CORO2B: variants seen among roughly 807,000 people sequenced by gnomAD.
The protein encoded by CORO2B is coronin-2B.
Under a neutral mutation model 58.8 loss-of-function variants are expected in CORO2B, and 26 were observed. The observed-to-expected ratio is 0.44, with a 90% confidence interval of 0.32 to 0.61. The LOEUF (loss-of-function observed/expected upper bound fraction) is 0.61. Among genes scored for constraint, CORO2B ranks in the 20% least tolerant of loss-of-function variants. CORO2B has a pLI of 0.04. For synonymous variants in CORO2B, 242 were observed against 253.8 expected (o/e 0.95, Z 0.44); for missense variants, 460 against 645.1 (o/e 0.71, Z 3.11).
chr15:68,587,282 T>C (rs1329346848), intron 1 of CORO2B, among the ~76,000 whole-genome samples: 1 of 152,180 alleles, frequency 6.6e-6, no homozygotes, highest in African/African-American at 2.4e-5. Flanking sequence ...ATGTTTTACA[T>C]GGTGTTCATG....
upstream of CORO2B, among the ~76,000 whole-genome samples, chr15:68,574,000 G>A (rs1360231779): frequency 6.6e-6 from 1 of 152,130 alleles, no homozygotes; most frequent in Non-Finnish European, 1.5e-5. Flanking sequence ...TGGTGAGATG[G>A]GAAGCCTGGG....
At chr15:68,717,184 C>T (rs1353600779) in intron 8 of CORO2B, among the ~76,000 whole-genome samples, 2 of 151,898 alleles carry the variant, frequency 1.3e-5, no homozygotes, top group Non-Finnish European at 2.9e-5. Flanking sequence ...TGTGGTGATA[C>T]ACCCCTGTAA....
In CORO2B at chr15:68,717,650, A is replaced by C. The variant is rs79200420; in HGVS notation, c.968-1048A>C. On this transcript the variant is annotated intron_variant, in intron 8 of 11. Transcript: ENST00000261861. ...CACTTCTTGTAGACTCAGAAAAGTT[A>C]AGCAACTCACCTGAGGCAGGTCTTA... is the stretch of plus-strand genomic sequence containing the variant. Among the ~76,000 whole-genome samples the C allele has an allele frequency of 5.6e-3, 837 of 150,264 alleles. 8 individuals carry two copies. The highest frequency in any genetic ancestry group is 0.02 in the African/African-American group (816 of 41,206).
At chr15:68,607,494 A>G (rs1254726486) in intron 1 of CORO2B, among the ~76,000 whole-genome samples, 1 of 152,172 alleles carries the variant, frequency 6.6e-6, no homozygotes, top group African/African-American at 2.4e-5. Context: ...TGGAGAGGAC[A>G]TGGAACCTGC....
At chr15:68,618,632 T>C (rs772940317) in intron 1 of CORO2B, among the ~76,000 whole-genome samples, 5 of 152,212 alleles carry the variant, frequency 3.3e-5, no homozygotes, top group Non-Finnish European at 7.3e-5. Context: ...ACAGGGACTT[T>C]TTAGCATATT....
Position 68,725,833 on chromosome 15 carries a change from T to A in CORO2B, c.1312-10T>A. 1 of 1,613,308 alleles carries A rather than the reference T, an allele frequency of 6.2e-7. No homozygotes were observed. Among genetic ancestry groups the A allele is most frequent in the South Asian group, 1.1e-5 (1 of 91,080 alleles). ...GGCCCTCCTTGGCCCCCTCTCTTCC[T>A]CCACCCCAGCTCCTTCGAATGTTCT... On this transcript the variant is annotated splice_polypyrimidine_tract_variant and intron_variant, in intron 11 of 11. Transcript: ENST00000261861.
the CORO2B span, among the ~76,000 whole-genome samples, chr15:68,531,733 T>A: frequency 2.6e-5 from 4 of 151,710 alleles, no homozygotes; most frequent in African/African-American, 4.8e-5. Context: ...ACCAACATAT[T>A]TACTACTTTT....
chr15:68,533,781 G>C, the CORO2B span, among the ~76,000 whole-genome samples: 1 of 152,222 alleles, frequency 6.6e-6, no homozygotes, highest in Non-Finnish European at 1.5e-5. Flanking sequence ...ATTAGAGCAA[G>C]AGTATAGAAT....
At chr15:68,587,568 A>G (rs181613789) in intron 1 of CORO2B, among the ~76,000 whole-genome samples, 6 of 152,352 alleles carry the variant, frequency 3.9e-5, no homozygotes, top group African/African-American at 1.4e-4. Context: ...AATAGTAGTC[A>G]GTTCTCAGCC....
At chr15:68,569,007 A>AT in the CORO2B span, among the ~76,000 whole-genome samples, 1 of 152,320 alleles carries the variant, frequency 6.6e-6, no homozygotes, top group East Asian at 1.9e-4. Flanking sequence ...TAAAAAGCAC[A>AT]TAAAAAAAAG....
At chr15:68,574,251 T>C (rs1470789167), upstream of CORO2B, among the ~76,000 whole-genome samples, 1 of 152,098 alleles carries the variant, frequency 6.6e-6, no homozygotes, top group African/African-American at 2.4e-5. Context: ...TGCAGGAGCT[T>C]GGAAGCCTGA....
chr15:68,718,583 G>A (rs530363544), intron 8 of CORO2B, 115 bp from the exon 9 acceptor site: 24 of 858,804 alleles, frequency 2.8e-5, no homozygotes, highest in African/African-American at 2.0e-4. Context: ...ATGGGCCGTT[G>A]CCTCCAAACC....
chr15:68,633,378 A>G (rs1900909729), intron 1 of CORO2B, among the ~76,000 whole-genome samples: 1 of 152,164 alleles, frequency 6.6e-6, no homozygotes, highest in African/African-American at 2.4e-5. Flanking sequence ...GATGTTTTCA[A>G]ACAAAAACCC....
At chr15:68,578,910 C>A, upstream of CORO2B, 1 of 550,342 alleles carries the variant, frequency 1.8e-6, no homozygotes, top group Non-Finnish European at 2.3e-6. The surrounding 1 kb of genome is among the most constrained non-coding windows in gnomAD (Gnocchi z 4.2). Flanking sequence ...CTCCTCCTCC[C>A]TCCGCCTCCT....
chr15:68,625,985 A>G (rs1900670088), intron 1 of CORO2B, among the ~76,000 whole-genome samples: 1 of 152,170 alleles, frequency 6.6e-6, no homozygotes, highest in African/African-American at 2.4e-5. Context: ...TTTGTGTTCC[A>G]TCCTGTGGAT....
Position 68,645,252 on chromosome 15 carries a change from C to T in CORO2B, c.108C>T (p.Ile36=). The change falls in exon 2 of 12, where the codon ATC becomes ATT. Residue 36 remains isoleucine, a synonymous_variant. Coordinates refer to ENST00000261861, the MANE Select transcript of CORO2B (RefSeq NM_006091.5). This position sits in a 1 kb window ranked among gnomAD's most constrained non-coding sequence, Gnocchi z 4.5. ...NREHCFDGIP[I]TKNVHDNHFC... is the part of the protein sequence containing the mutation. ...AGCACTGCTTCGATGGGATCCCCAT[C>T]ACCAAGAATGTGCACGACAACCACT... The T allele has an allele frequency of 6.2e-7, 1 of 1,614,228 alleles. No individual in the cohort carries two copies. The highest frequency in any genetic ancestry group is 8.5e-7 in the Non-Finnish European group (1 of 1,180,038).
At chr15:68,521,359 G>A in the CORO2B span, among the ~76,000 whole-genome samples, 42,463 of 152,012 alleles carry the variant, frequency 0.28, 6,618 homozygotes, top group African/African-American at 0.41. Context: ...ATTCTGGACA[G>A]TGCCACAAGC....
At chr15:68,691,727 T>G (rs149844360) in intron 2 of CORO2B, among the ~76,000 whole-genome samples, 63 of 151,490 alleles carry the variant, frequency 4.2e-4, no homozygotes, top group Non-Finnish European at 7.8e-4. Context: ...CCTTCCCGAG[T>G]GCAGGGCTCT....
In CORO2B at chr15:68,718,727, T is replaced by G. The variant is rs759084887; in HGVS notation, c.997T>G (p.Ser333Ala). 6.2e-7 allele frequency: 1 copy of G among 1,614,184 alleles called. No homozygotes were observed. Among genetic ancestry groups the G allele is most frequent in the Non-Finnish European group, 8.5e-7 (1 of 1,180,032 alleles). ...CATGCCCAAGCACGGGCTGGATGTGTCAGCCTGCGAGGTGTTCCGCTTCTA... is the reference window on the plus strand; with the variant it reads ...CATGCCCAAGCACGGGCTGGATGTGGCAGCCTGCGAGGTGTTCCGCTTCTA... ...GVMPKHGLDV[S>A]ACEVFRFYKL... is the part of the protein sequence containing the mutation. The change falls in exon 9 of 12, where the codon TCA becomes GCA. Residue 333 changes from serine (S) to alanine (A), a missense_variant. By Grantham distance (99) the Ser-to-Ala change is moderately conservative. Transcript: ENST00000261861.
Sources: allele counts gnomAD v4.1 joint callset (sites outside exome capture counted in the v4.1 genomes callset), GRCh38; gene constraint gnomAD v4.1.1; non-coding constraint Gnocchi (gnomAD v3.1); transcripts MANE v1.5; gene names NCBI Gene and HGNC (gene_info 2026-07-23, HGNC 2026-07-21).